The following RNF8 variants were observed in gnomAD, a reference collection of about 807,000 sequenced individuals.
RNF8 encodes the protein ring finger protein 8.
In RNF8, 8 loss-of-function variants were observed where a neutral mutation model predicts 59.3. That is an observed-to-expected ratio of 0.13 (90% CI 0.08 to 0.24). The LOEUF (loss-of-function observed/expected upper bound fraction) is 0.24, where lower values mean the gene tolerates loss of function less well. RNF8 is among the 10% of genes least tolerant of loss of function. The probability of loss-of-function intolerance (pLI) is 1.00; values close to 1 mark genes in which losing one functional copy is unlikely to be tolerated. For missense variants in RNF8, 406 were observed against 572.6 expected, an observed-to-expected ratio of 0.71 and a Z score of 2.97; for synonymous variants, 162 against 200.0, an observed-to-expected ratio of 0.81 and a Z score of 1.60.
chr6:37,360,586 C>A lies in RNF8; in HGVS notation c.240+12C>A. ...TTATGGACAACAAGGTACAGGAATT[C>A]ACAGAAGCCTAATGACTTTTATTTG... On this transcript the variant is annotated intron_variant, in intron 2 of 7. Coordinates refer to ENST00000373479, the MANE Select transcript of RNF8 (RefSeq NM_003958.4). This position sits in a 1 kb window ranked among gnomAD's most constrained non-coding sequence, Gnocchi z 4.2. 6.2e-7 allele frequency: 1 copy of A among 1,604,454 alleles called. No homozygotes were observed. Among genetic ancestry groups the A allele is most frequent in the South Asian group, 1.1e-5 (1 of 89,646 alleles).
At chr6:37,362,986 T>G (rs1769386670) in intron 2 of RNF8, among the ~76,000 whole-genome samples, 1 of 152,242 alleles carries the variant, frequency 6.6e-6, no homozygotes, top group African/African-American at 2.4e-5. Context: ...GTCCTTTGTA[T>G]TGGTATCCAG....
At chr6:37,380,153 G>A (rs1336159875) in intron 6 of RNF8, among the ~76,000 whole-genome samples, 2 of 152,050 alleles carry the variant, frequency 1.3e-5, no homozygotes, top group Admixed American at 6.6e-5. Flanking sequence ...CTGGGCTCAA[G>A]CAGTCCACCT....
intron 6 of RNF8, among the ~76,000 whole-genome samples, chr6:37,377,630 T>C (rs1163725055): frequency 2.6e-5 from 4 of 152,258 alleles, no homozygotes; most frequent in African/African-American, 9.6e-5. Flanking sequence ...AGCCTTTATC[T>C]CTTTGTTGTT....
At chr6:37,356,707 A>AAAGGG (rs1330747099) in intron 1 of RNF8, among the ~76,000 whole-genome samples, 1 of 152,142 alleles carries the variant, frequency 6.6e-6, no homozygotes, top group East Asian at 1.9e-4. Flanking sequence ...CCAAGGGAAA[A>AAAGGG]AAGGGAAAGG....
At chr6:37,362,576 C>T (rs183654304) in intron 2 of RNF8, among the ~76,000 whole-genome samples, 3 of 152,262 alleles carry the variant, frequency 2.0e-5, no homozygotes, top group African/African-American at 4.8e-5. Context: ...ACAAGTAAAT[C>T]CCCCCTGCCC....
chr6:37,385,081 T>C (rs1415950069), intron 7 of RNF8, among the ~76,000 whole-genome samples: 11 of 151,836 alleles, frequency 7.2e-5, no homozygotes. Context: ...TGGCGCGATC[T>C]CGGCTTACCA....
At chr6:37,385,241 G>A (rs990711937) in intron 7 of RNF8, among the ~76,000 whole-genome samples, 12 of 151,326 alleles carry the variant, frequency 7.9e-5, no homozygotes, top group Admixed American at 3.9e-4. Context: ...TTGAACTCCC[G>A]ACCTCAGGTG....
rs199541754 is a variant in RNF8 at position 37,368,653 on chromosome 6, C to T, written c.410C>T (p.Ser137Phe). 50 of 1,613,816 alleles carry T rather than the reference C, an allele frequency of 3.1e-5. No individual in the cohort carries two copies. In the Admixed American group the frequency reaches 7.7e-4, roughly 25 times the overall value. ...EDWETIYPCLSPKNDQMIEKN... is the reference protein window; with the variant it reads ...EDWETIYPCLFPKNDQMIEKN... ...TGGGAGACAATATATCCTTGTCTTT[C>T]CCCAAAGAATGACCAAATGATAGAA... The change falls in exon 3 of 8, where the codon TCC (serine) becomes TTC (phenylalanine). Residue 137 changes from serine (S) to phenylalanine (F), a missense_variant. By Grantham distance (155) the Ser-to-Phe change is radical. Transcript: ENST00000373479.
intron 7 of RNF8, among the ~76,000 whole-genome samples, chr6:37,382,566 T>A (rs1770316784): frequency 6.6e-6 from 1 of 152,162 alleles, no homozygotes; most frequent in South Asian, 2.1e-4. Context: ...CAAGATCAGC[T>A]GAGTCGGGGG....
chr6:37,370,352 G>A (rs749645350), intron 3 of RNF8: 1 of 152,166 alleles, frequency 6.6e-6, no homozygotes, highest in African/African-American at 2.4e-5. Context: ...AATTAATAGA[G>A]GGTGGTTTAT....
intron 2 of RNF8, chr6:37,361,580 A>G: frequency 3.0e-6 from 1 of 337,268 alleles, no homozygotes; most frequent in South Asian, 2.2e-5. Flanking sequence ...TCTAACATAA[A>G]CAGTTAATGT....
intron 7 of RNF8, among the ~76,000 whole-genome samples, chr6:37,382,593 G>A (rs1770319699): frequency 6.6e-6 from 1 of 152,034 alleles, no homozygotes; most frequent in Non-Finnish European, 1.5e-5. Flanking sequence ...TTGGGGGGTG[G>A]ACCTAGGGAC....
At chr6:37,378,530 GGCAGAGCT>G (rs1770113807) in intron 6 of RNF8, among the ~76,000 whole-genome samples, 1 of 150,870 alleles carries the variant, frequency 6.6e-6, no homozygotes, top group Non-Finnish European at 1.5e-5. Flanking sequence ...GAACCCAGGA[GGCAGAGCT>G]TGCAGTGAGC....
At chr6:37,374,430 C>T (rs1223049034) in intron 4 of RNF8, among the ~76,000 whole-genome samples, 190 bp from the exon 5 acceptor site, 1 of 152,148 alleles carries the variant, frequency 6.6e-6, no homozygotes, top group African/African-American at 2.4e-5. Context: ...CCTAACTGCC[C>T]TCTCCCCTGA....
intron 1 of RNF8, chr6:37,359,129 T>G: frequency 2.4e-6 from 1 of 420,104 alleles, no homozygotes; most frequent in Non-Finnish European, 4.6e-6. Context: ...CAAAAAAGAA[T>G]AAGGGAATTC....
Position 37,368,935 on chromosome 6 carries a change from A to T in RNF8, c.692A>T (p.His231Leu), listed in dbSNP as rs761529746. Residue 231 changes from histidine (H) to leucine (L), a missense_variant, in exon 3 of 8, where the codon CAT becomes CTT. Transcript: ENST00000373479. ...GGCTTCCCCAAAGTCACAGAGGTTC[A>T]TCATGAGCAGAAAGCCTCAAACTCT... ...YPGFPKVTEVHHEQKASNSSA... is the reference protein window; with the variant it reads ...YPGFPKVTEVLHEQKASNSSA... 8.7e-6 allele frequency: 14 copies of T among 1,614,230 alleles called. No homozygotes were observed. Among genetic ancestry groups the T allele is most frequent in the African/African-American group, 1.3e-5 (1 of 75,062 alleles).
chr6:37,384,994 A>C (rs953249363), intron 7 of RNF8, among the ~76,000 whole-genome samples: 1 of 151,938 alleles, frequency 6.6e-6, no homozygotes, highest in African/African-American at 2.4e-5. Context: ...GTACTCAGAT[A>C]GTATATAACA....
chr6:37,382,427 G>A (rs1770309705), intron 7 of RNF8, among the ~76,000 whole-genome samples: 1 of 152,152 alleles, frequency 6.6e-6, no homozygotes, highest in Admixed American at 6.5e-5. Flanking sequence ...TTCCCAGTGT[G>A]GCCCACACAA....
At chr6:37,390,712 T>A (rs374066782) in intron 7 of RNF8, 30 bp from the exon 8 acceptor site, 1 of 1,547,826 alleles carries the variant, frequency 6.5e-7, no homozygotes, top group Non-Finnish European at 8.9e-7. Context: ...AGGCTCCTCA[T>A]TTATTTATTT....
Sources: allele counts gnomAD v4.1 joint callset (sites outside exome capture counted in the v4.1 genomes callset), GRCh38; gene constraint gnomAD v4.1.1; non-coding constraint Gnocchi (gnomAD v3.1); transcripts MANE v1.5; gene names NCBI Gene and HGNC (gene_info 2026-07-23, HGNC 2026-07-21).